RBFOX1: variants seen among roughly 807,000 people sequenced by gnomAD.
The protein encoded by RBFOX1 is RNA binding fox-1 homolog 1, also known as RNA binding protein fox-1 homolog 1.
Under a neutral mutation model 57.7 loss-of-function variants are expected in RBFOX1, and 8 were observed. That is an observed-to-expected ratio of 0.14 (90% confidence interval 0.08 to 0.25). RBFOX1 has a LOEUF of 0.25. RBFOX1 is among the 10% of genes least tolerant of loss of function. The probability of loss-of-function intolerance (pLI) is 1.00; values close to 1 mark genes in which losing one functional copy is unlikely to be tolerated. For synonymous variants in RBFOX1, 326 were observed against 222.4 expected, an observed-to-expected ratio of 1.47 and a Z score of -4.15; for missense variants, 611 against 548.5, an observed-to-expected ratio of 1.11 and a Z score of -1.14.
chr16:6,151,434 C>T (rs2096797162), intron 1 of RBFOX1, among the ~76,000 whole-genome samples: 1 of 152,052 alleles, frequency 6.6e-6, no homozygotes, highest in South Asian at 2.1e-4. Context: ...TACAGGCGCG[C>T]TTCACCACAC....
chr16:6,869,330 G>T (rs2060471773), intron 3 of RBFOX1, among the ~76,000 whole-genome samples: 1 of 152,112 alleles, frequency 6.6e-6, no homozygotes, highest in Non-Finnish European at 1.5e-5. Context: ...GAAGAAATGG[G>T]CTCAGAGGGT....
intron 2 of RBFOX1, 35 bp from the exon 3 acceptor site, chr16:6,654,568 T>G (rs1215320183): frequency 2.0e-6 from 3 of 1,480,172 alleles, no homozygotes. Flanking sequence ...CTCCTGTTCT[T>G]TCTCTCACTT....
At chr16:6,738,263 G>T (rs985094881) in intron 3 of RBFOX1, among the ~76,000 whole-genome samples, 9 of 152,084 alleles carry the variant, frequency 5.9e-5, no homozygotes, top group Middle Eastern at 3.4e-3. Flanking sequence ...TGAGTCCTTT[G>T]ATTGCCCCAG....
intron 4 of RBFOX1, among the ~76,000 whole-genome samples, chr16:7,364,701 A>G (rs1392389595): frequency 6.6e-6 from 1 of 152,034 alleles, no homozygotes; most frequent in East Asian, 1.9e-4. Flanking sequence ...TTTTTCTATC[A>G]TCAGATCTCT....
intron 4 of RBFOX1, among the ~76,000 whole-genome samples, chr16:7,427,556 C>G (rs554065485): frequency 1.3e-5 from 2 of 152,310 alleles, no homozygotes; most frequent in Admixed American, 6.5e-5. Flanking sequence ...ATCCTTTCCC[C>G]TCCAATTTTA....
rs566294435 is a variant in RBFOX1, at chr16:6,287,721, A to G, written c.-126-29274A>G. Among the ~76,000 whole-genome samples the G allele has an allele frequency of 3.8e-4, 58 of 152,318 alleles. No individual in the cohort carries two copies. In the South Asian group the frequency reaches 0.012, roughly 31 times the overall value. ...ACATATAAGCATACATATATGTGATACATATGAAATGGCATATTAAGACCA... is the reference window on the plus strand; with the variant it reads ...ACATATAAGCATACATATATGTGATGCATATGAAATGGCATATTAAGACCA... On this transcript the variant is annotated intron_variant, in intron 1 of 15. Transcript: ENST00000550418.
intron 1 of RBFOX1, among the ~76,000 whole-genome samples, chr16:6,256,930 A>T (rs9935712): frequency 2.0e-5 from 3 of 152,018 alleles, no homozygotes; most frequent in East Asian, 1.9e-4. Context: ...TAGGTGGAGA[A>T]GTCCTAATAA....
intron 4 of RBFOX1, among the ~76,000 whole-genome samples, chr16:7,471,121 C>T (rs760248754): frequency 2.0e-5 from 3 of 152,004 alleles, no homozygotes; most frequent in African/African-American, 7.3e-5. Flanking sequence ...ACAGTAACTA[C>T]GTCTTGTTTA....
At chr16:5,429,235 G>A (rs550580390) in intron 1 of RBFOX1, among the ~76,000 whole-genome samples, 5 of 152,236 alleles carry the variant, frequency 3.3e-5, no homozygotes, top group South Asian at 4.1e-4. Context: ...CCAGTGACTC[G>A]GAGTGAGCTG....
At chr16:7,231,035 G>C (rs138765174) in intron 4 of RBFOX1, among the ~76,000 whole-genome samples, 1 of 152,078 alleles carries the variant, frequency 6.6e-6, no homozygotes, top group Non-Finnish European at 1.5e-5. Context: ...CTAGCCCCCT[G>C]AGCATCAGGG....
intron 4 of RBFOX1, among the ~76,000 whole-genome samples, chr16:7,230,253 CAAACAAAAT>C (rs911203879): frequency 2.0e-5 from 3 of 151,806 alleles, no homozygotes; most frequent in Admixed American, 6.6e-5. Flanking sequence ...AGTAAAAACC[CAAACAAAAT>C]AAACAAACAG....
chr16:7,706,359 T>G (rs1385745607), intron 14 of RBFOX1, among the ~76,000 whole-genome samples: 2 of 152,216 alleles, frequency 1.3e-5, no homozygotes, highest in Admixed American at 6.5e-5. Flanking sequence ...AGTTCAATGC[T>G]GCTGTATTTT....
At position 7,040,749 on chromosome 16, in the gene RBFOX1, G is replaced by C. The variant is rs2045884272; in HGVS notation, c.-15-11308G>C. On this transcript the variant is annotated intron_variant, in intron 3 of 15. Coordinates refer to ENST00000550418, the MANE Select transcript of RBFOX1 (RefSeq NM_018723.4). The stretch of plus-strand genomic sequence containing the variant: ...TTAAAAATGATTTTAACTTGCTTTT[G>C]TTTTATTTTGTCATAGACATCATTC... Among the ~76,000 whole-genome samples, 2 of 152,050 alleles carry C rather than the reference G, an allele frequency of 1.3e-5. 1 individual carries two copies. The highest frequency in any genetic ancestry group is 4.1e-4 in the South Asian group (2 of 4,832).
intron 1 of RBFOX1, among the ~76,000 whole-genome samples, chr16:5,265,857 G>C (rs1453910575): frequency 6.6e-6 from 1 of 152,122 alleles, no homozygotes; most frequent in African/African-American, 2.4e-5. Flanking sequence ...GTGTATCTGT[G>C]GGTGGATGTC....
intron 3 of RBFOX1, among the ~76,000 whole-genome samples, chr16:7,025,870 G>A (rs559936472): frequency 1.3e-5 from 2 of 152,234 alleles, no homozygotes; most frequent in South Asian, 4.2e-4. Flanking sequence ...CAGCAACCAG[G>A]ATGAGCTGCT....
intron 3 of RBFOX1, among the ~76,000 whole-genome samples, chr16:5,728,685 C>G (rs1287491591): frequency 1.3e-5 from 2 of 152,282 alleles, no homozygotes; most frequent in African/African-American, 2.4e-5. Flanking sequence ...CCTTCTTTGT[C>G]TGGCCGCCCC....
At chr16:7,038,707 G>A (rs886185933) in intron 3 of RBFOX1, among the ~76,000 whole-genome samples, 3 of 152,116 alleles carry the variant, frequency 2.0e-5, no homozygotes, top group Admixed American at 6.5e-5. Context: ...GTGGGAGGCC[G>A]AAGGGGATAT....
rs905863674 is a variant in RBFOX1, at chr16:5,946,545, C to G, written c.351+79210C>G. Among the ~76,000 whole-genome samples the G allele has an allele frequency of 7.3e-6, 1 of 136,682 alleles. No homozygotes were observed. Among genetic ancestry groups the G allele is most frequent in the Non-Finnish European group, 1.7e-5 (1 of 59,616 alleles). The allele number at this position is 136,682 out of a possible 152,430, so 89.7% of individuals were successfully genotyped here. ...TCTACGCCCTTCCCCGTATCTCACT[C>G]TATGCATATTTTTTTCCAACTGGGT... On this transcript the variant is annotated intron_variant, in intron 4 of 19. Transcript: ENST00000641259. This position sits in a 1 kb window ranked among gnomAD's most constrained non-coding sequence, Gnocchi z 4.6.
intron 1 of RBFOX1, among the ~76,000 whole-genome samples, chr16:6,208,225 T>G (rs1350277103): frequency 6.6e-6 from 1 of 152,180 alleles, no homozygotes; most frequent in Non-Finnish European, 1.5e-5. Flanking sequence ...TACTGATTAC[T>G]GATAATGAGT....
Sources: gnomAD v4.1 joint callset for allele counts (sites outside exome capture counted in the v4.1 genomes callset) on GRCh38, gnomAD v4.1.1 for gene constraint, Gnocchi (gnomAD v3.1) non-coding constraint, MANE v1.5 for transcripts, NCBI Gene and HGNC (gene_info 2026-07-23, HGNC 2026-07-21) for gene names.